FBXO32: variants seen among roughly 807,000 people sequenced by gnomAD.
FBXO32 encodes the protein F-box only protein 32.
In FBXO32, 15 loss-of-function variants were observed where a neutral mutation model predicts 48.3. That is an observed-to-expected ratio of 0.31 (90% CI 0.21 to 0.48). The LOEUF (loss-of-function observed/expected upper bound fraction) is 0.48, where lower values mean the gene tolerates loss of function less well. Ranked by LOEUF, FBXO32 falls within the 20% of genes least tolerant of loss-of-function variation. The probability of loss-of-function intolerance (pLI) is 0.99; values close to 1 mark genes in which losing one functional copy is unlikely to be tolerated. For missense variants in FBXO32, 309 were observed against 432.7 expected (o/e 0.71, Z 2.54); for synonymous variants, 154 against 165.9 (o/e 0.93, Z 0.55).
chr8:123,532,153 T>A, intron 3 of FBXO32, 163 bp from the exon 4 acceptor site: 3 of 1,400,750 alleles, frequency 2.1e-6, no homozygotes, highest in Non-Finnish European at 2.8e-6. Context: ...CACAAGCCCT[T>A]GAGAGCCACC....
At chr8:123,519,121 GGC>G (rs1365486111) in intron 4 of FBXO32, among the ~76,000 whole-genome samples, 9 of 152,156 alleles carry the variant, frequency 5.9e-5, no homozygotes, top group Admixed American at 5.9e-4. Flanking sequence ...CACTGTGCCT[GGC>G]AGAACATATA....
At position 123,509,484 on chromosome 8, in the gene FBXO32, GA is replaced by G. The variant is rs1816695217; in HGVS notation, c.652-2911del. Among the ~76,000 whole-genome samples, 3 of 152,128 alleles carry G rather than the reference GA, an allele frequency of 2.0e-5. No individual in the cohort carries two copies. In the South Asian group the frequency reaches 6.2e-4, roughly 32 times the overall value. ...GGAGGCTGAAGCGGGAGGATTGCTT[GA>G]GCCCAAAAGTTCGAGATCAGCCTGG... On this transcript the variant is annotated intron_variant, in intron 6 of 8. Coordinates refer to ENST00000517956, the MANE Select transcript of FBXO32 (RefSeq NM_058229.4).
At chr8:123,535,213 A>C (rs1817287206) in intron 1 of FBXO32, among the ~76,000 whole-genome samples, 1 of 152,200 alleles carries the variant, frequency 6.6e-6, no homozygotes, top group East Asian at 1.9e-4. Context: ...TTCATTTTGC[A>C]AAAGTATCTA....
At chr8:123,522,115 TAAA>T (rs1482890172) in intron 4 of FBXO32, among the ~76,000 whole-genome samples, 1 of 152,088 alleles carries the variant, frequency 6.6e-6, no homozygotes, top group Non-Finnish European at 1.5e-5. Context: ...CAGAGGGAGT[TAAA>T]ATAATAAGGA....
At chr8:123,528,621 A>G (rs1460546224) in intron 4 of FBXO32, among the ~76,000 whole-genome samples, 5 of 152,220 alleles carry the variant, frequency 3.3e-5, no homozygotes, top group Non-Finnish European at 7.3e-5. Flanking sequence ...GAAATGTTAT[A>G]TAAACATCTT....
Position 123,514,297 on chromosome 8 carries a change from G to A in FBXO32, c.409C>T (p.Leu137=). 1.2e-6 allele frequency: 2 copies of A among 1,613,382 alleles called. No individual in the cohort carries two copies. Among genetic ancestry groups the A allele is most frequent in the Non-Finnish European group, 1.7e-6 (2 of 1,179,776 alleles). The change falls in exon 5 of 9, where the codon CTG becomes TTG. Residue 137 remains leucine (L), a synonymous_variant. Coordinates refer to ENST00000517956, the MANE Select transcript of FBXO32 (RefSeq NM_058229.4). ...AAGTTCTTTTGGGCGATGCCACTCA[G>A]GGATGTGAGCTGTGACTTTGCTATC... ...ELIAKSQLTS[L]SGIAQKNFMN... is the part of the protein sequence containing the mutation.
rs1273073206 is a variant in FBXO32 at position 123,540,047 on chromosome 8, G to T, written c.116+852C>A. Among the ~76,000 whole-genome samples, 1 of 152,168 alleles carries T rather than the reference G, an allele frequency of 6.6e-6. No individual in the cohort carries two copies. The highest frequency in any genetic ancestry group is 1.9e-4 in the East Asian group (1 of 5,196). ...AGCCAAGCTGAGCAGGGAGCGCAGC[G>T]GACCTCAGGTTTCCCGCCAGACCAC... is the stretch of plus-strand genomic sequence containing the variant. On this transcript the variant is annotated intron_variant, in intron 1 of 8. Coordinates refer to ENST00000517956, the MANE Select transcript of FBXO32 (RefSeq NM_058229.4). This position sits in a 1 kb window ranked among gnomAD's most constrained non-coding sequence, Gnocchi z 6.4.
chr8:123,534,082 ACT>A (rs1338715711), intron 2 of FBXO32, among the ~76,000 whole-genome samples: 1 of 150,656 alleles, frequency 6.6e-6, no homozygotes, highest in Non-Finnish European at 1.5e-5. Context: ...AGAGAGCAAG[ACT>A]CTGTCTCAAA....
chr8:123,527,436 A>G (rs1218331185), intron 4 of FBXO32, among the ~76,000 whole-genome samples: 1 of 152,162 alleles, frequency 6.6e-6, no homozygotes, highest in East Asian at 1.9e-4. Context: ...CCAATAATGC[A>G]GTTTCTCAAG....
intron 1 of FBXO32, among the ~76,000 whole-genome samples, chr8:123,539,876 C>T (rs1003075366): frequency 2.6e-5 from 4 of 152,230 alleles, no homozygotes; most frequent in Non-Finnish European, 5.9e-5. Flanking sequence ...CCAAGGGTGA[C>T]TCTGGCTGCA....
At chr8:123,534,081 G>A (rs1587003546) in intron 2 of FBXO32, among the ~76,000 whole-genome samples, 2 of 147,296 alleles carry the variant, frequency 1.4e-5, no homozygotes, top group South Asian at 4.3e-4. Flanking sequence ...GAGAGAGCAA[G>A]ACTCTGTCTC....
chr8:123,531,724 A>C (rs573870224), intron 4 of FBXO32, among the ~76,000 whole-genome samples, 174 bp downstream of exon 4: 1 of 152,296 alleles, frequency 6.6e-6, no homozygotes, highest in African/African-American at 2.4e-5. Context: ...GGACTCACTT[A>C]AGAACTTGAA....
In FBXO32 at chr8:123,540,909, C is replaced by T. The variant is rs1319467039; in HGVS notation, c.106G>A (p.Asp36Asn). 6.2e-7 allele frequency: 1 copy of T among 1,613,282 alleles called. No homozygotes were observed. The highest frequency in any genetic ancestry group is 1.1e-5 in the South Asian group (1 of 91,050). The change falls in exon 1 of 9, where the codon GAC (aspartate) becomes AAC (asparagine). Residue 36 changes from aspartate to asparagine, a missense_variant. Transcript: ENST00000517956. This position sits in a 1 kb window ranked among gnomAD's most constrained non-coding sequence, Gnocchi z 6.4. ...AGCGGGTCCCCTCACCTGCTGAGGT[C>T]GCTCACGAAACTGCCGCTCTTCTCA... The part of the protein sequence containing the change: ...LDEKSGSFVS[D>N]LSSYCNKEVY...
At chr8:123,535,282 A>G (rs1817288202) in intron 1 of FBXO32, among the ~76,000 whole-genome samples, 1 of 152,216 alleles carries the variant, frequency 6.6e-6, no homozygotes, top group Non-Finnish European at 1.5e-5. Context: ...TAAACTTCAC[A>G]TACCATACAA....
chr8:123,514,846 C>T (rs1200191582), intron 4 of FBXO32, among the ~76,000 whole-genome samples: 1 of 152,222 alleles, frequency 6.6e-6, no homozygotes, highest in Non-Finnish European at 1.5e-5. Flanking sequence ...GTTCAATAAA[C>T]ATGTCTATTA....
intron 1 of FBXO32, among the ~76,000 whole-genome samples, chr8:123,535,159 TG>T (rs987523330): frequency 2.0e-5 from 3 of 151,728 alleles, no homozygotes; most frequent in Admixed American, 6.6e-5. Flanking sequence ...AAATGACGAA[TG>T]GGGGGAGGGG....
chr8:123,504,555 C>G lies in FBXO32; in HGVS notation c.978+49G>C, dbSNP rs200085500. Reference sequence around the variant, plus strand: ...ACCATGCTGGCTGGCACTCTTGGCTCTTAGGGGCTGGGCTGGGGGTCTGTG... The same window carrying G: ...ACCATGCTGGCTGGCACTCTTGGCTGTTAGGGGCTGGGCTGGGGGTCTGTG... On this transcript the variant is annotated intron_variant, in intron 8 of 8. Coordinates refer to ENST00000517956, the MANE Select transcript of FBXO32 (RefSeq NM_058229.4). 1.4e-3 allele frequency: 2,147 copies of G among 1,488,822 alleles called. 3 individuals are homozygous for G. The highest frequency in any genetic ancestry group is 1.9e-3 in the Non-Finnish European group (2,057 of 1,107,120). The allele number at this position is 1,488,822 out of a possible 1,614,324, so 92.2% of individuals were successfully genotyped here. A position where few individuals can be genotyped will look rare whatever the true frequency, so the allele number is the denominator to read the frequency against.
chr8:123,533,218 G>C lies in FBXO32; in HGVS notation c.252C>G (p.Ile84Met). 1 of 1,612,878 alleles carries C rather than the reference G, an allele frequency of 6.2e-7. No individual in the cohort carries two copies. The highest frequency in any genetic ancestry group is 8.5e-7 in the Non-Finnish European group (1 of 1,179,014). ...KTQYFHQEKWIYVHKGSTKER... is the reference protein window; with the variant it reads ...KTQYFHQEKWMYVHKGSTKER... Reference sequence around the variant, plus strand: ...CTTTAGTACTTCCTTTGTGAACATAGATCCATTTTTCTTGGTGGAAATCTA... The same window carrying C: ...CTTTAGTACTTCCTTTGTGAACATACATCCATTTTTCTTGGTGGAAATCTA... Residue 84 changes from isoleucine to methionine, a missense_variant, in exon 3 of 9, where the codon ATC (isoleucine) becomes ATG (methionine). Coordinates refer to ENST00000517956, the MANE Select transcript of FBXO32 (RefSeq NM_058229.4).
chr8:123,511,466 T>C (rs1816732247), intron 6 of FBXO32, among the ~76,000 whole-genome samples: 1 of 151,420 alleles, frequency 6.6e-6, no homozygotes, highest in African/African-American at 2.4e-5. Context: ...AATGTGACCA[T>C]CTAGAGGTTT....
Sources: allele counts gnomAD v4.1 joint callset (sites outside exome capture counted in the v4.1 genomes callset), GRCh38; gene constraint gnomAD v4.1.1; non-coding constraint Gnocchi (gnomAD v3.1); transcripts MANE v1.5; gene names NCBI Gene and HGNC (gene_info 2026-07-23, HGNC 2026-07-21).